FAN1: variants seen among roughly 807,000 people sequenced by gnomAD.
FAN1 encodes the protein fanconi-associated nuclease 1.
Under a neutral mutation model 104.9 loss-of-function variants are expected in FAN1, and 91 were observed. The ratio of observed to expected loss-of-function variants is 0.87; its 90% CI spans 0.73 to 1.03. The LOEUF (loss-of-function observed/expected upper bound fraction) is 1.03, where lower values mean the gene tolerates loss of function less well. Ranked by LOEUF, FAN1 falls within the 50% of genes least tolerant of loss-of-function variation. The pLI is 0.00. For synonymous variants in FAN1, 478 were observed against 457.6 expected (o/e 1.04, Z -0.57); for missense variants, 1,263 against 1,239.9 (o/e 1.02, Z -0.28).
chr15:30,940,111 A>G (rs922910894), intron 14 of FAN1: 12 of 985,336 alleles, frequency 1.2e-5, no homozygotes, highest in East Asian at 1.1e-4. Flanking sequence ...AAAATTTTCC[A>G]TATCTTAGGA....
chr15:30,931,754 A>G (rs189423246), intron 13 of FAN1, among the ~76,000 whole-genome samples: 1 of 152,100 alleles, frequency 6.6e-6, no homozygotes, highest in East Asian at 1.9e-4. Flanking sequence ...CTGTTTCTAT[A>G]TACTCTTCGG....
chr15:30,933,744 ATTTCT>A (rs2062776330), intron 13 of FAN1, among the ~76,000 whole-genome samples: 2 of 147,586 alleles, frequency 1.4e-5, no homozygotes, highest in African/African-American at 5.2e-5. Context: ...TAATTGTGGT[ATTTCT>A]TTTCTTTTTT....
intron 8 of FAN1, 153 bp from the exon 9 acceptor site, chr15:30,924,974 A>C (rs1213660934): frequency 5.3e-5 from 39 of 740,898 alleles, no homozygotes; most frequent in Non-Finnish European, 6.6e-5. Flanking sequence ...AATAAGATCT[A>C]AGGAAACAGC....
intron 13 of FAN1, among the ~76,000 whole-genome samples, chr15:30,933,726 T>G (rs1427156712): frequency 3.4e-5 from 5 of 148,094 alleles, no homozygotes; most frequent in Non-Finnish European, 5.9e-5. Flanking sequence ...TATTGATATC[T>G]CTGATTATAA....
intron 5 of FAN1, among the ~76,000 whole-genome samples, chr15:30,915,358 G>A (rs1363962791): frequency 6.6e-6 from 1 of 152,138 alleles, no homozygotes; most frequent in East Asian, 1.9e-4. Flanking sequence ...CTAGGTAGAA[G>A]GAATAAGTTC....
chr15:30,925,346 T>C, intron 9 of FAN1, 55 bp downstream of exon 9: 1 of 1,520,476 alleles, frequency 6.6e-7, no homozygotes, highest in Middle Eastern at 1.7e-4. Context: ...CTGGTTTTTT[T>C]GGACCAGAAG....
In FAN1 at chr15:30,942,082, A is replaced by G; in HGVS notation, c.*520A>G. On this transcript the variant is annotated 3_prime_UTR_variant, in exon 15 of 15. Coordinates refer to ENST00000362065, the MANE Select transcript of FAN1 (RefSeq NM_014967.5). ...TGGAGCTGTAGCTTTTCTATACAGA[A>G]GAGATTTTATTATGTTCCGGGGATT... The G allele has an allele frequency of 1.2e-6, 2 of 1,606,836 alleles. No homozygotes were observed. Among genetic ancestry groups the G allele is most frequent in the Non-Finnish European group, 1.7e-6 (2 of 1,175,464 alleles).
chr15:30,926,940 T>C, intron 10 of FAN1: 1 of 985,378 alleles, frequency 1.0e-6, no homozygotes, highest in Non-Finnish European at 1.2e-6. Context: ...CTCAACCTCT[T>C]CTGGGAGGTG....
intron 7 of FAN1, among the ~76,000 whole-genome samples, chr15:30,921,300 T>C (rs2062325026): frequency 6.6e-6 from 1 of 152,170 alleles, no homozygotes; most frequent in Non-Finnish European, 1.5e-5. Flanking sequence ...TCAGAACTCC[T>C]TGTGAGACTT....
chr15:30,934,809 T>C (rs774371316), intron 13 of FAN1, among the ~76,000 whole-genome samples: 16 of 152,258 alleles, frequency 1.1e-4, no homozygotes, highest in Admixed American at 9.8e-4. Flanking sequence ...ATACACACTT[T>C]AGAGTAAAAA....
intron 14 of FAN1, chr15:30,939,155 AC>A (rs1325728817): frequency 2.0e-6 from 2 of 985,254 alleles, no homozygotes; most frequent in African/African-American, 3.5e-5. Context: ...AACAGCTTTC[AC>A]CCTCTGTTAG....
At chr15:30,922,159 C>A in intron 7 of FAN1, 76 bp from the exon 8 acceptor site, 1 of 1,541,092 alleles carries the variant, frequency 6.5e-7, no homozygotes, top group Non-Finnish European at 8.8e-7. Flanking sequence ...CTTTACCAAT[C>A]CTATGGGCTT....
intron 3 of FAN1, among the ~76,000 whole-genome samples, chr15:30,910,361 G>C (rs774462292): frequency 1.1e-4 from 16 of 152,172 alleles, no homozygotes; most frequent in Non-Finnish European, 1.9e-4. Context: ...CTATCCATGT[G>C]TGTCTTTATT....
chr15:30,927,406 G>A (rs896734847), intron 10 of FAN1: 4 of 985,444 alleles, frequency 4.1e-6, no homozygotes, highest in South Asian at 4.7e-5. Context: ...TGAGTGAACC[G>A]CTGTCCTTTT....
intron 13 of FAN1, among the ~76,000 whole-genome samples, chr15:30,932,017 T>C (rs1479755784): frequency 6.6e-6 from 1 of 151,144 alleles, no homozygotes; most frequent in Non-Finnish European, 1.5e-5. Flanking sequence ...GGTCAGGAGA[T>C]TGAGACCATC....
intron 11 of FAN1, chr15:30,928,958 A>T: frequency 3.1e-6 from 1 of 318,772 alleles, no homozygotes; most frequent in Non-Finnish European, 4.5e-6. Flanking sequence ...CAAGGAGCTC[A>T]CAGACATGGG....
rs575983394 is a variant in FAN1 at position 30,906,393 on chromosome 15, A to G, written c.1234+496A>G. On this transcript the variant is annotated intron_variant, in intron 2 of 14. Transcript: ENST00000362065. Reference sequence around the variant, plus strand: ...TAGATTTATGGACTGTGCCTTTTAAAGACAGGGTGTGGAGGAAATGGAAAC... The same window carrying G: ...TAGATTTATGGACTGTGCCTTTTAAGGACAGGGTGTGGAGGAAATGGAAAC... The G allele has an allele frequency of 7.4e-4, 340 of 456,972 alleles. 2 individuals are homozygous for G. Among genetic ancestry groups the G allele is most frequent in the African/African-American group, 6.1e-3 (305 of 50,218 alleles). The allele number at this position is 456,972 out of a possible 1,614,324, so 28.3% of individuals were successfully genotyped here.
At chr15:30,904,451 C>A in intron 1 of FAN1, 61 bp from the exon 2 acceptor site, 1 of 647,026 alleles carries the variant, frequency 1.5e-6, no homozygotes, top group South Asian at 1.7e-5. Flanking sequence ...TTTCAGAGTT[C>A]GCTTTTCCCC....
chr15:30,918,052 A>G, intron 5 of FAN1, 112 bp from the exon 6 acceptor site: 3 of 1,068,110 alleles, frequency 2.8e-6, no homozygotes, highest in Non-Finnish European at 4.1e-6. Context: ...AGTGGCCCTC[A>G]TATTTTAAAA....
Sources: allele counts gnomAD v4.1 joint callset (sites outside exome capture counted in the v4.1 genomes callset), GRCh38; gene constraint gnomAD v4.1.1; transcripts MANE v1.5; gene names NCBI Gene and HGNC (gene_info 2026-07-23, HGNC 2026-07-21).